Variants in CLTB observed in about 807,000 individuals in gnomAD.
CLTB encodes the protein clathrin, light chain (Lcb).
Under a neutral mutation model 30.5 loss-of-function variants are expected in CLTB, and 10 were observed. That is an observed-to-expected ratio of 0.33 (90% CI 0.20 to 0.56). The LOEUF (loss-of-function observed/expected upper bound fraction) is 0.56, where lower values mean the gene tolerates loss of function less well. Ranked by LOEUF, CLTB falls within the 20% of genes least tolerant of loss-of-function variation. CLTB has a pLI of 0.91. For missense variants in CLTB, 261 were observed against 308.3 expected, an observed-to-expected ratio of 0.85 and a Z score of 1.15; for synonymous variants, 102 against 120.3, an observed-to-expected ratio of 0.85 and a Z score of 1.00.
Position 176,410,240 on chromosome 5 carries a change from G to C in CLTB, c.234+17C>G. The C allele has an allele frequency of 6.2e-7, 1 of 1,612,988 alleles. No homozygotes were observed. The highest frequency in any genetic ancestry group is 1.1e-5 in the South Asian group (1 of 91,044). On this transcript the variant is annotated intron_variant, in intron 2 of 5. Coordinates refer to ENST00000310418, the MANE Select transcript of CLTB (RefSeq NM_007097.5). ...GGCTGTTGGTCCTTACCACTGCTGA[G>C]ACAGAGCCTTGCTTACCTGAAACAC...
chr5:176,407,777 G>T (rs897027106), intron 2 of CLTB, among the ~76,000 whole-genome samples: 5 of 152,250 alleles, frequency 3.3e-5, no homozygotes, highest in African/African-American at 1.2e-4. Context: ...TGACTCCCTC[G>T]GGCCCAACTA....
rs1203829042 is a variant in CLTB, at chr5:176,393,920, C to A, written c.519-975G>T. Among the ~76,000 whole-genome samples, 1 of 152,164 alleles carries A rather than the reference C, an allele frequency of 6.6e-6. No individual in the cohort carries two copies. Among genetic ancestry groups the A allele is most frequent in the African/African-American group, 2.4e-5 (1 of 41,436 alleles). Reference sequence around the variant, plus strand: ...AGGGTCGCTCACAAGTCCCTGGAAGCCCCCTCTCCATCTCAAGCAGGACCA... The same window carrying A: ...AGGGTCGCTCACAAGTCCCTGGAAGACCCCTCTCCATCTCAAGCAGGACCA... On this transcript the variant is annotated intron_variant, in intron 5 of 5. Transcript: ENST00000310418. The surrounding 1 kb of genome is among the most constrained non-coding windows in gnomAD (Gnocchi z 4.4).
At chr5:176,415,599 A>C (rs1757653944) in intron 1 of CLTB, among the ~76,000 whole-genome samples, 1 of 152,266 alleles carries the variant, frequency 6.6e-6, no homozygotes. Flanking sequence ...TAGTTATTTC[A>C]ATAGCATACT....
At chr5:176,403,041 C>T (rs1756902751) in intron 2 of CLTB, among the ~76,000 whole-genome samples, 1 of 150,250 alleles carries the variant, frequency 6.7e-6, no homozygotes, top group African/African-American at 2.5e-5. Context: ...TCCATAAAGC[C>T]TGCCCTAATT....
intron 2 of CLTB, among the ~76,000 whole-genome samples, chr5:176,405,221 G>A (rs923020674): frequency 2.0e-5 from 3 of 152,066 alleles, no homozygotes; most frequent in South Asian, 2.1e-4. Flanking sequence ...CAGGTGCAGC[G>A]GCTCACACCT....
At chr5:176,406,411 C>T (rs553184538) in intron 2 of CLTB, 9 of 1,162,852 alleles carry the variant, frequency 7.7e-6, no homozygotes, top group South Asian at 3.3e-5. Context: ...ACCAGCCAAG[C>T]GTGTGCTGCG....
At chr5:176,409,006 T>C (rs1561799701) in intron 2 of CLTB, among the ~76,000 whole-genome samples, 1 of 152,180 alleles carries the variant, frequency 6.6e-6, no homozygotes, top group Non-Finnish European at 1.5e-5. Context: ...GATAGAGTTT[T>C]GCTCTTGTTG....
At chr5:176,394,641 C>G (rs376441969) in intron 5 of CLTB, among the ~76,000 whole-genome samples, 6 of 127,968 alleles carry the variant, frequency 4.7e-5, no homozygotes, top group African/African-American at 1.6e-4. Context: ...GGTGAAACCC[C>G]GTCTCTACTA....
chr5:176,410,090 C>A (rs1319039854), intron 2 of CLTB, among the ~76,000 whole-genome samples, 167 bp downstream of exon 2: 1 of 152,202 alleles, frequency 6.6e-6, no homozygotes, highest in Non-Finnish European at 1.5e-5. Context: ...TCCCTGCCCT[C>A]TACATGACAA....
intron 2 of CLTB, among the ~76,000 whole-genome samples, chr5:176,399,858 A>C (rs1756725080): frequency 6.6e-6 from 1 of 151,150 alleles, no homozygotes; most frequent in Admixed American, 6.6e-5. Context: ...AGCCTGGGCC[A>C]CAGAGTGAGA....
chr5:176,414,698 G>A (rs868830813), intron 1 of CLTB, among the ~76,000 whole-genome samples: 64 of 152,308 alleles, frequency 4.2e-4, no homozygotes, highest in Middle Eastern at 6.8e-3. Flanking sequence ...GTTGGGAGGC[G>A]TGGGATCAAG....
chr5:176,412,196 A>T (rs1757479010), intron 1 of CLTB, among the ~76,000 whole-genome samples: 1 of 151,244 alleles, frequency 6.6e-6, no homozygotes, highest in South Asian at 2.1e-4. Flanking sequence ...AAAAAAAAGA[A>T]TGCTTTTTTG....
intron 2 of CLTB, among the ~76,000 whole-genome samples, chr5:176,403,081 GCT>G (rs954207980): frequency 7.0e-6 from 1 of 143,822 alleles, no homozygotes; most frequent in East Asian, 2.0e-4. Context: ...GCGGAGTCTC[GCT>G]CTGTCGCCCA....
intron 2 of CLTB, among the ~76,000 whole-genome samples, chr5:176,409,450 A>G (rs1757313292): frequency 8.7e-6 from 1 of 114,536 alleles, no homozygotes; most frequent in Non-Finnish European, 1.6e-5. Flanking sequence ...TTTCACTCTC[A>G]TCTCCCAGGC....
Position 176,413,669 on chromosome 5 carries a change from C to T in CLTB, c.187+2508G>A, listed in dbSNP as rs563336946. ...TTGCCCAGCTCTCAGCAGGCCAGGGCGCTTTTTCTCTGCCCCATCCAGGCT... is the reference window on the plus strand; with the variant it reads ...TTGCCCAGCTCTCAGCAGGCCAGGGTGCTTTTTCTCTGCCCCATCCAGGCT... On this transcript the variant is annotated intron_variant, in intron 1 of 5. Transcript: ENST00000310418. Among the ~76,000 whole-genome samples, 287 of 152,336 alleles carry T rather than the reference C, an allele frequency of 1.9e-3. 2 individuals carry two copies. Among genetic ancestry groups the T allele is most frequent in the African/African-American group, 6.4e-3 (266 of 41,574 alleles).
chr5:176,406,744 C>G (rs1313076426), intron 2 of CLTB: 2 of 1,269,684 alleles, frequency 1.6e-6, no homozygotes, highest in East Asian at 1.1e-4. Context: ...CACAAAAGCT[C>G]TGTCTGGGAT....
chr5:176,394,652 A>G (rs1369145284), intron 5 of CLTB, among the ~76,000 whole-genome samples: 1 of 42,938 alleles, frequency 2.3e-5, no homozygotes, highest in South Asian at 9.7e-4. Context: ...GTCTCTACTA[A>G]AAAATACACA....
chr5:176,409,353 A>G (rs1023562914), intron 2 of CLTB, among the ~76,000 whole-genome samples: 1 of 144,322 alleles, frequency 6.9e-6, no homozygotes, highest in African/African-American at 2.5e-5. Flanking sequence ...TGCTTTTTCC[A>G]CTTAATATAT....
At chr5:176,404,903 C>T (rs1198814418) in intron 2 of CLTB, among the ~76,000 whole-genome samples, 3 of 152,230 alleles carry the variant, frequency 2.0e-5, no homozygotes, top group East Asian at 3.8e-4. Context: ...CTCACAGTTG[C>T]ATTCCCTAAC....
Sources: allele counts gnomAD v4.1 joint callset (sites outside exome capture counted in the v4.1 genomes callset), GRCh38; gene constraint gnomAD v4.1.1; non-coding constraint Gnocchi (gnomAD v3.1); transcripts MANE v1.5; gene names NCBI Gene and HGNC (gene_info 2026-07-23, HGNC 2026-07-21).